The following NTRK2 variants were observed in gnomAD, a reference collection of about 807,000 sequenced individuals.
The protein encoded by NTRK2 is neurotrophic receptor tyrosine kinase 2, also known as BDNF/NT-3 growth factors receptor.
In NTRK2, 13 loss-of-function variants were observed where a neutral mutation model predicts 94.5. The ratio of observed to expected loss-of-function variants is 0.14; its 90% CI spans 0.09 to 0.22. The LOEUF is 0.22. Among genes scored for constraint, NTRK2 ranks in the 10% least tolerant of loss-of-function variants. The probability of loss-of-function intolerance (pLI) is 1.00; values close to 1 mark genes in which losing one functional copy is unlikely to be tolerated. For missense variants in NTRK2, 639 were observed against 1,071.2 expected, an observed-to-expected ratio of 0.60 and a Z score of 5.63; for synonymous variants, 372 against 407.4, an observed-to-expected ratio of 0.91 and a Z score of 1.05.
At chr9:84,777,481 A>C (rs1002860592) in intron 12 of NTRK2, among the ~76,000 whole-genome samples, 46 of 152,226 alleles carry the variant, frequency 3.0e-4, no homozygotes, top group African/African-American at 9.9e-4. Flanking sequence ...TTTCAGAAAT[A>C]TTGTAGAACA....
intron 17 of NTRK2, among the ~76,000 whole-genome samples, chr9:84,968,308 G>A (rs1215629714): frequency 2.0e-5 from 3 of 152,258 alleles, no homozygotes; most frequent in Middle Eastern, 3.4e-3. Context: ...CTGAGAGGTG[G>A]GCAAGGGTCG....
rs2058644347 is a variant in NTRK2 at position 84,670,697 on chromosome 9, G to A, written c.-52G>A. On this transcript the variant is annotated 5_prime_UTR_variant, in exon 2 of 19. Transcript: ENST00000277120. Reference sequence around the variant, plus strand: ...GGCCTCCCCGCACGGGTGGGGGAAAGCGGCCGGTGCAGCGCGGGGACAGGC... The same window carrying A: ...GGCCTCCCCGCACGGGTGGGGGAAAACGGCCGGTGCAGCGCGGGGACAGGC... The A allele has an allele frequency of 6.3e-7, 1 of 1,585,210 alleles. No individual in the cohort carries two copies. The highest frequency in any genetic ancestry group is 8.6e-7 in the Non-Finnish European group (1 of 1,160,836).
chr9:84,723,840 A>G, intron 7 of NTRK2, 131 bp downstream of exon 7: 1 of 1,270,968 alleles, frequency 7.9e-7, no homozygotes, highest in Non-Finnish European at 1.1e-6. Context: ...AGAGTTTTTG[A>G]TGTACATTCA....
chr9:84,737,676 A>G (rs1286897856), intron 9 of NTRK2, among the ~76,000 whole-genome samples: 1 of 152,044 alleles, frequency 6.6e-6, no homozygotes, highest in Non-Finnish European at 1.5e-5. Flanking sequence ...ATCGGGGTGC[A>G]TGTACAGGTT....
intron 2 of NTRK2, among the ~76,000 whole-genome samples, chr9:84,690,688 C>T (rs375435503): frequency 1.9e-4 from 28 of 150,856 alleles, no homozygotes; most frequent in African/African-American, 6.6e-4. Context: ...CACTGCACTC[C>T]AGCCTGGGCG....
At chr9:84,896,086 G>T (rs2076750319) in intron 14 of NTRK2, among the ~76,000 whole-genome samples, 3 of 152,194 alleles carry the variant, frequency 2.0e-5, no homozygotes, top group South Asian at 4.1e-4. Flanking sequence ...TCTGTGAAAT[G>T]AACCTAGGTG....
At chr9:84,806,989 C>A (rs2071194926) in intron 12 of NTRK2, among the ~76,000 whole-genome samples, 1 of 152,240 alleles carries the variant, frequency 6.6e-6, no homozygotes, top group South Asian at 2.1e-4. Context: ...TCCAATGGCA[C>A]CATGCCACGC....
intron 17 of NTRK2, among the ~76,000 whole-genome samples, chr9:84,969,573 G>T (rs1825950754): frequency 6.6e-6 from 1 of 152,168 alleles, no homozygotes; most frequent in South Asian, 2.1e-4. Context: ...ACGTGTTTTT[G>T]TTAAAACATT....
rs1420449887 is a variant in NTRK2, at chr9:84,867,441, G to A, written c.1633+10G>A. ...CTCAAGCCAGACACATGTAAGTACA[G>A]CTGTTTGTACTTATTGTCCCATTTG... On this transcript the variant is annotated intron_variant, in intron 14 of 18. Transcript: ENST00000277120. 8 of 1,605,256 alleles carry A rather than the reference G, an allele frequency of 5.0e-6. No individual in the cohort carries two copies. The highest frequency in any genetic ancestry group is 6.0e-6 in the Non-Finnish European group (7 of 1,172,032).
Position 84,724,269 on chromosome 9 carries a change from T to A in NTRK2, c.766T>A (p.Ser256Thr). The change falls in exon 8 of 19, where the codon TCA becomes ACA. Residue 256 changes from serine (S) to threonine (T), a missense_variant. By Grantham distance (58) the Ser-to-Thr change is moderately conservative. Coordinates refer to ENST00000277120, the MANE Select transcript of NTRK2 (RefSeq NM_006180.6). ...GGGCTCCTTAAGGATAACTAACATT[T>A]CATCCGATGACAGTGGGAAGCAGAT... ...TQGSLRITNI[S>T]SDDSGKQISC... is the part of the protein sequence containing the mutation. The A allele has an allele frequency of 6.2e-7, 1 of 1,614,126 alleles. No homozygotes were observed. Among genetic ancestry groups the A allele is most frequent in the Middle Eastern group, 1.6e-4 (1 of 6,062 alleles).
At chr9:84,739,448 T>A (rs1220058893) in intron 9 of NTRK2, among the ~76,000 whole-genome samples, 1 of 152,192 alleles carries the variant, frequency 6.6e-6, no homozygotes, top group Non-Finnish European at 1.5e-5. Flanking sequence ...TGAATAGATG[T>A]GATGTTCTTG....
chr9:84,983,336 C>T (rs1290097280), intron 17 of NTRK2, among the ~76,000 whole-genome samples: 1 of 152,160 alleles, frequency 6.6e-6, no homozygotes, highest in Non-Finnish European at 1.5e-5. Flanking sequence ...TAAGACAAAA[C>T]CACAGAGCAC....
rs114267773 is a variant in NTRK2 at position 84,987,159 on chromosome 9, C to T, written c.2172+31642C>T. Among the ~76,000 whole-genome samples the T allele has an allele frequency of 3.1e-3, 473 of 152,292 alleles. 3 individuals carry two copies. Among genetic ancestry groups the T allele is most frequent in the African/African-American group, 0.011 (447 of 41,552 alleles). Reference sequence around the variant, plus strand: ...AAAGAATTTGTTAAGAAGTTCAGCCCTGTAGCCTAATACCACTCTGAAAGA... The same window carrying T: ...AAAGAATTTGTTAAGAAGTTCAGCCTTGTAGCCTAATACCACTCTGAAAGA... On this transcript the variant is annotated intron_variant, in intron 17 of 18. Coordinates refer to ENST00000277120, the MANE Select transcript of NTRK2 (RefSeq NM_006180.6).
Position 84,707,826 on chromosome 9 carries a change from G to A in NTRK2, c.360-18G>A. The A allele has an allele frequency of 1.3e-6, 2 of 1,599,254 alleles. No individual in the cohort carries two copies. The highest frequency in any genetic ancestry group is 1.7e-6 in the Non-Finnish European group (2 of 1,167,264). The stretch of plus-strand genomic sequence containing the variant: ...GTAACATTTTAAATTCATGTTTAAT[G>A]TTTTTGATTCCTTTCAGCAATTTTA... On this transcript the variant is annotated intron_variant, in intron 4 of 18. Coordinates refer to ENST00000277120, the MANE Select transcript of NTRK2 (RefSeq NM_006180.6).
intron 12 of NTRK2, among the ~76,000 whole-genome samples, chr9:84,840,071 T>C (rs2074087338): frequency 6.6e-6 from 1 of 152,014 alleles, no homozygotes; most frequent in South Asian, 2.1e-4. Flanking sequence ...AGAAATAAAA[T>C]AAGACCTTCT....
At chr9:84,790,044 G>A (rs2068566160) in intron 12 of NTRK2, among the ~76,000 whole-genome samples, 2 of 152,142 alleles carry the variant, frequency 1.3e-5, no homozygotes, top group African/African-American at 4.8e-5. Flanking sequence ...GTGATGAAGG[G>A]AGGTGATTTG....
intron 12 of NTRK2, among the ~76,000 whole-genome samples, chr9:84,803,817 C>A (rs2070785248): frequency 6.6e-6 from 1 of 152,184 alleles, no homozygotes; most frequent in African/African-American, 2.4e-5. Flanking sequence ...TTCCGGAATA[C>A]TTGCTGCTTA....
At chr9:84,958,410 A>G (rs914681604) in intron 17 of NTRK2, among the ~76,000 whole-genome samples, 2 of 152,254 alleles carry the variant, frequency 1.3e-5, no homozygotes, top group East Asian at 3.8e-4. Flanking sequence ...TTTGTTAAAA[A>G]GAAAATCCTC....
At chr9:84,768,840 C>T (rs990720306) in intron 12 of NTRK2, among the ~76,000 whole-genome samples, 3 of 152,060 alleles carry the variant, frequency 2.0e-5, no homozygotes, top group African/African-American at 4.8e-5. Flanking sequence ...GAGGAAACAT[C>T]AGGGGTAAGG....
Sources: allele counts gnomAD v4.1 joint callset (sites outside exome capture counted in the v4.1 genomes callset), GRCh38; gene constraint gnomAD v4.1.1; transcripts MANE v1.5; gene names NCBI Gene and HGNC (gene_info 2026-07-23, HGNC 2026-07-21).